Variants in CAPS2 observed in about 807,000 individuals in gnomAD.
CAPS2 encodes calcyphosin-2.
CAPS2 carries 98 observed loss-of-function variants against 86.5 expected under a neutral mutation model. That is an observed-to-expected ratio of 1.13 (90% CI 0.96 to 1.34). CAPS2 has a LOEUF of 1.34. CAPS2 is among the 40% of genes most tolerant of loss of function. The pLI is 0.00. For synonymous variants in CAPS2, 210 were observed against 225.1 expected, an observed-to-expected ratio of 0.93 and a Z score of 0.60; for missense variants, 729 against 686.8, an observed-to-expected ratio of 1.06 and a Z score of -0.69.
chr12:75,366,170 C>A (rs1355302702), intron 1 of CAPS2, among the ~76,000 whole-genome samples: 1 of 152,076 alleles, frequency 6.6e-6, no homozygotes, highest in Non-Finnish European at 1.5e-5. Context: ...TAACTTTAAG[C>A]CAGTTTGGTA....
Position 75,311,699 on chromosome 12 carries a change from G to GAAAAAAAAAAAAAAAAAAAAAAA in CAPS2, c.659+1148_659+1149insTTTTTTTTTTTTTTTTTTTTTTT, listed in dbSNP as rs764314438. 1.8e-4 allele frequency among the ~76,000 whole-genome samples: 3 copies of GAAAAAAAAAAAAAAAAAAAAAAA among 16,994 alleles called. 1 individual carries two copies. Among genetic ancestry groups the GAAAAAAAAAAAAAAAAAAAAAAA allele is most frequent in the Non-Finnish European group, 3.2e-4 (2 of 6,320 alleles). 11.1% of individuals were successfully genotyped at this position (16,994 alleles called of 152,430 possible). A position where few individuals can be genotyped will look rare whatever the true frequency, so the allele number is the denominator to read the frequency against. On this transcript the variant is annotated intron_variant, in intron 7 of 16. Coordinates refer to ENST00000393284, the Ensembl canonical transcript of CAPS2. Reference sequence around the variant, plus strand: ...CGTGTCACGTGCAGGAAGCCATGCAGGAAAAAAAAAAACAAAAAAAAAAAC... The same window carrying GAAAAAAAAAAAAAAAAAAAAAAA: ...CGTGTCACGTGCAGGAAGCCATGCAGAAAAAAAAAAAAAAAAAAAAAAAGAAAAAAAAAAACAAAAAAAAAAAC...
intron 7 of CAPS2, 102 bp downstream of exon 7, chr12:75,312,746 T>G: frequency 1.4e-6 from 1 of 697,196 alleles, no homozygotes; most frequent in Non-Finnish European, 2.5e-6. Flanking sequence ...AACCTCTGAG[T>G]TAGCCACCCT....
At chr12:75,334,254 G>C (rs1017771661), upstream of CAPS2, 5 of 154,774 alleles carry the variant, frequency 3.2e-5, no homozygotes, top group African/African-American at 1.2e-4. Flanking sequence ...AATCTCTGAG[G>C]GAAGTGGCAA....
chr12:75,288,526 A>G (rs563779476), intron 14 of CAPS2, among the ~76,000 whole-genome samples: 1 of 152,340 alleles, frequency 6.6e-6, no homozygotes, highest in African/African-American at 2.4e-5. Context: ...TGTTCTTTCT[A>G]CAAAATACAC....
intron 7 of CAPS2, among the ~76,000 whole-genome samples, chr12:75,309,923 G>A (rs1363034234): frequency 6.6e-6 from 1 of 152,152 alleles, no homozygotes; most frequent in African/African-American, 2.4e-5. Context: ...TAATTTGGCA[G>A]AAGCAAAAAT....
chr12:75,319,486 T>G (rs1049695133), intron 5 of CAPS2, among the ~76,000 whole-genome samples: 3 of 151,042 alleles, frequency 2.0e-5, no homozygotes, highest in African/African-American at 7.4e-5. Flanking sequence ...AAAAGCAACC[T>G]GAAGCCCTTA....
downstream of CAPS2, chr12:75,276,545 C>T (rs2032964130): frequency 3.1e-6 from 3 of 979,054 alleles, no homozygotes; most frequent in Non-Finnish European, 3.6e-6. Context: ...CAGGGACATA[C>T]ATGTTTAACT....
In CAPS2 at chr12:75,321,582, G is replaced by C. The variant is rs2040301465; in HGVS notation, c.292-6C>G. ...TCAGGTATTATGTTCTGATCCTATA[G>C]GTAAAAAGAAAAAAGCATGCTATCA... On this transcript the variant is annotated splice_polypyrimidine_tract_variant and splice_region_variant and intron_variant, in intron 4 of 16. Coordinates refer to ENST00000393284, the Ensembl canonical transcript of CAPS2. The C allele has an allele frequency of 2.6e-6, 4 of 1,525,500 alleles. No individual in the cohort carries two copies. The highest frequency in any genetic ancestry group is 1.2e-5 in the South Asian group (1 of 80,642). The allele number at this position is 1,525,500 out of a possible 1,614,324, so 94.5% of individuals were successfully genotyped here. A position where few individuals can be genotyped will look rare whatever the true frequency, so the allele number is the denominator to read the frequency against.
At chr12:75,362,249 C>T (rs563833969) in intron 1 of CAPS2, among the ~76,000 whole-genome samples, 2 of 152,106 alleles carry the variant, frequency 1.3e-5, no homozygotes, top group Non-Finnish European at 2.9e-5. Context: ...AACAAATACA[C>T]ACATTAAAAT....
chr12:75,388,331 C>A (rs2045396704), intron 1 of CAPS2, among the ~76,000 whole-genome samples: 1 of 152,200 alleles, frequency 6.6e-6, no homozygotes, highest in South Asian at 2.1e-4. Flanking sequence ...AGTCTTGGGT[C>A]TGTCTTTATT....
chr12:75,332,267 T>G (rs1410952681), upstream of CAPS2, among the ~76,000 whole-genome samples: 3 of 152,200 alleles, frequency 2.0e-5, no homozygotes, highest in African/African-American at 7.2e-5. Flanking sequence ...TTTATCCCTA[T>G]TAACCTTATC....
At chr12:75,295,900 A>C (rs1183577576) in intron 11 of CAPS2, among the ~76,000 whole-genome samples, 1 of 152,168 alleles carries the variant, frequency 6.6e-6, no homozygotes, top group African/African-American at 2.4e-5. Flanking sequence ...ATCTTCTGAT[A>C]GTATGAAAAA....
At chr12:75,374,013 C>T (rs1479251329) in intron 1 of CAPS2, 1 of 152,164 alleles carries the variant, frequency 6.6e-6, no homozygotes, top group South Asian at 2.1e-4. Flanking sequence ...TCTACTAAAG[C>T]CCACTTACAG....
chr12:75,369,392 C>A, intron 1 of CAPS2: 1 of 370,626 alleles, frequency 2.7e-6, no homozygotes. Flanking sequence ...TTATTTTTTG[C>A]TGGTAACCAT....
chr12:75,363,318 A>G (rs1449492037), intron 1 of CAPS2: 1 of 410,848 alleles, frequency 2.4e-6, no homozygotes, highest in Admixed American at 4.5e-5. Context: ...ATCTTACGAT[A>G]TAAATCATGT....
chr12:75,296,584 A>G (rs569143019), intron 11 of CAPS2, among the ~76,000 whole-genome samples: 19 of 152,222 alleles, frequency 1.2e-4, no homozygotes, highest in Middle Eastern at 3.4e-3. Flanking sequence ...GAGCCACCGC[A>G]CCCAGCGTGG....
At chr12:75,285,186 C>A in intron 14 of CAPS2, 106 bp from the exon 15 acceptor site, 1 of 1,020,186 alleles carries the variant, frequency 9.8e-7, no homozygotes, top group Non-Finnish European at 1.4e-6. Context: ...AGATATAACT[C>A]ATTTAATAAG....
intron 1 of CAPS2, among the ~76,000 whole-genome samples, chr12:75,351,840 C>T (rs1048946676): frequency 3.3e-5 from 5 of 152,138 alleles, no homozygotes; most frequent in African/African-American, 9.7e-5. Context: ...AGCCATCGTG[C>T]TGGCCCAATA....
upstream of CAPS2, chr12:75,329,975 G>A: frequency 4.2e-6 from 4 of 944,964 alleles, no homozygotes; most frequent in South Asian, 4.8e-5. Flanking sequence ...AGTTGGAAAA[G>A]GTATAAACTA....
Sources: allele counts gnomAD v4.1 joint callset (sites outside exome capture counted in the v4.1 genomes callset), GRCh38; gene constraint gnomAD v4.1.1; transcripts MANE v1.5; gene names NCBI Gene and HGNC (gene_info 2026-07-23, HGNC 2026-07-21).